IL7R: variants seen among roughly 807,000 people sequenced by gnomAD.
IL7R encodes the protein interleukin 7 receptor.
In IL7R, 38 loss-of-function variants were observed where a neutral mutation model predicts 47.0. The ratio of observed to expected loss-of-function variants is 0.81; its 90% CI spans 0.62 to 1.06. The LOEUF is 1.06. Ranked by LOEUF, IL7R falls within the 50% of genes least tolerant of loss-of-function variation. The probability of loss-of-function intolerance (pLI) is 0.00; values close to 1 mark genes in which losing one functional copy is unlikely to be tolerated. For synonymous variants in IL7R, 221 were observed against 199.8 expected (o/e 1.11, Z -0.89); for missense variants, 633 against 534.8 (o/e 1.18, Z -1.81).
intron 4 of IL7R, among the ~76,000 whole-genome samples, chr5:35,871,885 C>T (rs778602912): frequency 2.6e-5 from 4 of 152,120 alleles, no homozygotes; most frequent in Admixed American, 1.3e-4. Context: ...CTTTCTGCAC[C>T]TCAGAGATGA....
At chr5:35,872,262 C>T (rs1156845275) in intron 4 of IL7R, among the ~76,000 whole-genome samples, 1 of 152,090 alleles carries the variant, frequency 6.6e-6, no homozygotes, top group Non-Finnish European at 1.5e-5. Flanking sequence ...GCAATGGCGC[C>T]ATCTTGGCTC....
chr5:35,865,455 A>G (rs1759917271), intron 2 of IL7R, among the ~76,000 whole-genome samples: 1 of 152,076 alleles, frequency 6.6e-6, no homozygotes, highest in Non-Finnish European at 1.5e-5. Context: ...CATGATTTAT[A>G]CTCCTTTGGG....
chr5:35,873,533 G>A lies in IL7R; in HGVS notation c.591G>A (p.Pro197=), dbSNP rs201431556. The change falls in exon 5 of 8, where the codon CCG becomes CCA. Residue 197 remains proline (P), a synonymous_variant. Transcript: ENST00000303115. Reference sequence around the variant, plus strand: ...CACTCCTGCAGAGAAAGCTCCAACCGGCAGCAATGTATGAGATTAAAGTTC... The same window carrying A: ...CACTCCTGCAGAGAAAGCTCCAACCAGCAGCAATGTATGAGATTAAAGTTC... ...KLTLLQRKLQ[P]AAMYEIKVRS... is the part of the protein sequence containing the mutation. The A allele has an allele frequency of 2.0e-5, 33 of 1,613,926 alleles. No individual in the cohort carries two copies. The highest frequency in any genetic ancestry group is 5.3e-5 in the African/African-American group (4 of 75,010).
chr5:35,867,192 C>A, intron 2 of IL7R, 114 bp from the exon 3 acceptor site: 1 of 919,650 alleles, frequency 1.1e-6, no homozygotes, highest in Non-Finnish European at 1.8e-6. Context: ...CACCCACCCA[C>A]ATACCTATGA....
At chr5:35,868,662 T>A (rs1759998025) in intron 3 of IL7R, among the ~76,000 whole-genome samples, 1 of 152,068 alleles carries the variant, frequency 6.6e-6, no homozygotes, top group African/African-American at 2.4e-5. Context: ...TATCTAAAGG[T>A]TCACCATTTA....
At chr5:35,860,762 C>G (rs1184331928) in intron 1 of IL7R, 90 bp from the exon 2 acceptor site, 1 of 1,258,252 alleles carries the variant, frequency 7.9e-7, no homozygotes, top group East Asian at 2.3e-5. Context: ...ATGTCTGCCA[C>G]AGAGTCTGCT....
rs541909063 is a variant in IL7R at position 35,861,897 on chromosome 5, T to C, written c.221+907T>C. 3.9e-5 allele frequency among the ~76,000 whole-genome samples: 6 copies of C among 152,286 alleles called. 1 individual carries two copies. In the South Asian group the frequency reaches 1.2e-3, roughly 32 times the overall value. On this transcript the variant is annotated intron_variant, in intron 2 of 7. Coordinates refer to ENST00000303115, the MANE Select transcript of IL7R (RefSeq NM_002185.5). ...ATGACCTACTTTTTAGTTAGTGTCC[T>C]AGTGAGCAAAGTAAATCAAGATCCA...
rs201337361 is a variant in IL7R at position 35,860,807 on chromosome 5, G to A, written c.83-45G>A. ...AGGTCATGCCATATTTCAAAAGGAT[G>A]CATTTATTTGTTTCATTAACAGCTG... is the stretch of plus-strand genomic sequence containing the variant. On this transcript the variant is annotated intron_variant, in intron 1 of 7. Coordinates refer to ENST00000303115, the MANE Select transcript of IL7R (RefSeq NM_002185.5). 1.4e-5 allele frequency: 23 copies of A among 1,594,824 alleles called. No homozygotes were observed. In the East Asian group the frequency reaches 3.3e-4, roughly 23 times the overall value.
At chr5:35,875,655 G>C in intron 7 of IL7R, 68 bp downstream of exon 7, 1 of 1,201,648 alleles carries the variant, frequency 8.3e-7, no homozygotes, top group East Asian at 2.3e-5. Flanking sequence ...TGATATTCCA[G>C]GACAAGGAAC....
intron 7 of IL7R, 26 bp downstream of exon 7, chr5:35,875,613 T>A (rs1472562342): frequency 6.5e-7 from 1 of 1,545,936 alleles, no homozygotes; most frequent in Non-Finnish European, 8.9e-7. Context: ...GCTTAAAAAG[T>A]GTTGTGTTGG....
chr5:35,865,006 A>ATATACACATGTAAC lies in IL7R; in HGVS notation c.222-2300_222-2299insTATACACATGTAAC, dbSNP rs1759902339. 2.6e-5 allele frequency among the ~76,000 whole-genome samples: 4 copies of ATATACACATGTAAC among 152,128 alleles called. No individual in the cohort carries two copies. In the South Asian group the frequency reaches 8.3e-4, roughly 31 times the overall value. Reference sequence around the variant, plus strand: ...TTTAAGTTCTAGGGTACATGTGCACAACGTGTAGGTTTGTTACATATGTAT... The same window carrying ATATACACATGTAAC: ...TTTAAGTTCTAGGGTACATGTGCACATATACACATGTAACACGTGTAGGTTTGTTACATATGTAT... On this transcript the variant is annotated intron_variant, in intron 2 of 7. Coordinates refer to ENST00000303115, the MANE Select transcript of IL7R (RefSeq NM_002185.5).
At chr5:35,865,137 G>A (rs1327336101) in intron 2 of IL7R, among the ~76,000 whole-genome samples, 3 of 152,062 alleles carry the variant, frequency 2.0e-5, no homozygotes, top group African/African-American at 7.2e-5. Flanking sequence ...TGGCCCTGGT[G>A]TGTGATGTTC....
intron 1 of IL7R, among the ~76,000 whole-genome samples, chr5:35,859,717 G>T (rs1230968423): frequency 1.3e-5 from 2 of 152,138 alleles, no homozygotes; most frequent in African/African-American, 4.8e-5. Flanking sequence ...TTTAAGTAAA[G>T]AAAGTGCTAT....
Position 35,877,316 on chromosome 5 carries a change from A to C in IL7R, c.*830A>C, listed in dbSNP as rs11567769. ...ATGGCTATGAGAAAGAAAGAGGGGGAGAAACAGTCTTGCGGGTGTGAAGTC... is the reference window on the plus strand; with the variant it reads ...ATGGCTATGAGAAAGAAAGAGGGGGCGAAACAGTCTTGCGGGTGTGAAGTC... On this transcript the variant is annotated 3_prime_UTR_variant, in exon 8 of 8. Coordinates refer to ENST00000303115, the MANE Select transcript of IL7R (RefSeq NM_002185.5). 6.9e-4 allele frequency: 161 copies of C among 233,196 alleles called. No individual in the cohort carries two copies. The highest frequency in any genetic ancestry group is 5.7e-3 in the East Asian group (94 of 16,586). The allele number at this position is 233,196 out of a possible 1,614,324, so 14.4% of individuals were successfully genotyped here. A position where few individuals can be genotyped will look rare whatever the true frequency, so the allele number is the denominator to read the frequency against.
chr5:35,873,574 A>T lies in IL7R; in HGVS notation c.632A>T (p.His211Leu). ...YEIKVRSIPD[H>L]YFKGFWSEWS... ...ATTAAAGTTCGATCCATCCCTGATC[A>T]CTATTTTAAAGGCTTCTGGAGTGAA... The change falls in exon 5 of 8, where the codon CAC (histidine) becomes CTC (leucine). Residue 211 changes from histidine (H) to leucine (L), a missense_variant. By Grantham distance (99) the His-to-Leu change is moderately conservative. Coordinates refer to ENST00000303115, the MANE Select transcript of IL7R (RefSeq NM_002185.5). The T allele has an allele frequency of 6.2e-7, 1 of 1,613,986 alleles. No individual in the cohort carries two copies. The highest frequency in any genetic ancestry group is 8.5e-7 in the Non-Finnish European group (1 of 1,179,824).
intron 2 of IL7R, among the ~76,000 whole-genome samples, chr5:35,862,562 G>A (rs1030610868): frequency 2.0e-5 from 3 of 152,120 alleles, no homozygotes; most frequent in Admixed American, 2.0e-4. Flanking sequence ...GTTTTCAGTG[G>A]AAAATATATG....
rs2149905964 is a variant in IL7R at position 35,876,295 on chromosome 5, G to A, written c.1189G>A (p.Gly397Arg). ...AGACTGCAGGGAGAGTGGCAAGAAT[G>A]GGCCTCATGTGTACCAGGACCTCCT... ...SLDCRESGKN[G>R]PHVYQDLLLS... is the part of the protein sequence containing the mutation. The change falls in exon 8 of 8, where the codon GGG becomes AGG. Residue 397 changes from glycine to arginine, a missense_variant. Physicochemically the swap from Gly to Arg is moderately radical, Grantham distance 125. Transcript: ENST00000303115. 6.2e-7 allele frequency: 1 copy of A among 1,613,948 alleles called. No homozygotes were observed. Among genetic ancestry groups the A allele is most frequent in the Non-Finnish European group, 8.5e-7 (1 of 1,179,890 alleles).
intron 3 of IL7R, among the ~76,000 whole-genome samples, chr5:35,867,872 T>A (rs1175929470): frequency 2.7e-5 from 4 of 150,872 alleles, no homozygotes; most frequent in Non-Finnish European, 5.9e-5. Context: ...CAAGTTATTT[T>A]AAAAAGCATA....
At chr5:35,863,014 A>C (rs1394356323) in intron 2 of IL7R, among the ~76,000 whole-genome samples, 1 of 152,012 alleles carries the variant, frequency 6.6e-6, no homozygotes, top group African/African-American at 2.4e-5. Context: ...TAGCTTACCC[A>C]AAAATTCGGT....
Sources: gnomAD v4.1 joint callset for allele counts (sites outside exome capture counted in the v4.1 genomes callset) on GRCh38, gnomAD v4.1.1 for gene constraint, MANE v1.5 for transcripts, NCBI Gene and HGNC (gene_info 2026-07-23, HGNC 2026-07-21) for gene names.